SLC24A1: variants seen among roughly 807,000 people sequenced by gnomAD.
The protein encoded by SLC24A1 is solute carrier family 24 member 1.
In SLC24A1, 52 loss-of-function variants were observed where a neutral mutation model predicts 88.1. The ratio of observed to expected loss-of-function variants is 0.59; its 90% CI spans 0.47 to 0.74. The LOEUF (loss-of-function observed/expected upper bound fraction) is 0.74. Among genes scored for constraint, SLC24A1 ranks in the 30% least tolerant of loss-of-function variants. The probability of loss-of-function intolerance (pLI) is 0.00; values close to 1 mark genes in which losing one functional copy is unlikely to be tolerated. For synonymous variants in SLC24A1, 455 were observed against 498.0 expected (o/e 0.91, Z 1.15); for missense variants, 1,173 against 1,363.3 (o/e 0.86, Z 2.20).
chr15:65,645,548 C>A, intron 5 of SLC24A1, 64 bp from the exon 6 acceptor site: 2 of 1,275,424 alleles, frequency 1.6e-6, no homozygotes, highest in South Asian at 1.3e-5. Flanking sequence ...ATGCCAGTGT[C>A]TCTGCCAGCT....
chr15:65,646,245 A>C (rs1166904022), intron 6 of SLC24A1, among the ~76,000 whole-genome samples: 3 of 151,292 alleles, frequency 2.0e-5, no homozygotes, highest in African/African-American at 7.3e-5. Context: ...TTTTATTTTT[A>C]TTTTTGTATT....
Position 65,625,705 on chromosome 15 carries a change from C to G in SLC24A1, c.1625C>G (p.Thr542Ser), listed in dbSNP as rs779095435. The G allele has an allele frequency of 5.6e-6, 9 of 1,613,942 alleles. No individual in the cohort carries two copies. The highest frequency in any genetic ancestry group is 1.3e-5 in the African/African-American group (1 of 74,930). ...AVFNILFVIG[T>S]CSLFSREILN... The stretch of plus-strand genomic sequence containing the variant: ...TTCAACATTCTCTTTGTCATTGGCA[C>G]TTGTTCCCTCTTCTCCCGAGAGATC... The change falls in exon 2 of 10, where the codon ACT becomes AGT. Residue 542 changes from threonine (T) to serine (S), a missense_variant. Physicochemically the swap from Thr to Ser is moderately conservative, Grantham distance 58. Coordinates refer to ENST00000261892, the MANE Select transcript of SLC24A1 (RefSeq NM_004727.3).
chr15:65,629,805 G>A (rs1267860861), intron 2 of SLC24A1, among the ~76,000 whole-genome samples: 1 of 152,194 alleles, frequency 6.6e-6, no homozygotes. Context: ...AGACAGTCCT[G>A]TGGAAAGCCA....
In SLC24A1 at chr15:65,656,191, G is replaced by A. The variant is rs773344099; in HGVS notation, c.*2112G>A. ...AGACTGGAGTAAGGAGTGATGGACCGTAAAATGCTGTGTAATGATAAAAGG... is the reference window on the plus strand; with the variant it reads ...AGACTGGAGTAAGGAGTGATGGACCATAAAATGCTGTGTAATGATAAAAGG... On this transcript the variant is annotated 3_prime_UTR_variant, in exon 10 of 10. Transcript: ENST00000261892. The A allele has an allele frequency of 4.3e-5, 42 of 984,430 alleles. No homozygotes were observed. The highest frequency in any genetic ancestry group is 4.9e-5 in the Non-Finnish European group (41 of 829,140). 61.0% of individuals were successfully genotyped at this position (984,430 alleles called of 1,614,324 possible).
Position 65,625,942 on chromosome 15 carries a change from A to C in SLC24A1, c.1862A>C (p.Lys621Thr), listed in dbSNP as rs563141376. The change falls in exon 2 of 10, where the codon AAG becomes ACG. Residue 621 changes from lysine (K) to threonine (T), a missense_variant. Lys to Thr is a moderately conservative substitution (Grantham distance 78). Transcript: ENST00000261892. Reference protein sequence around the residue: ...KEQLSRRPVAKVMALEDLSKP... With the variant: ...KEQLSRRPVATVMALEDLSKP... ...CAGCTCAGCAGGAGGCCAGTGGCCA[A>C]GGTCATGGCCTTAGAAGACCTCAGC... 5 of 1,613,658 alleles carry C rather than the reference A, an allele frequency of 3.1e-6. No homozygotes were observed. The South Asian group carries it at 5.5e-5, about 18-fold the overall frequency.
chr15:65,657,597 T>G (rs1282689847), downstream of SLC24A1, among the ~76,000 whole-genome samples: 1 of 152,130 alleles, frequency 6.6e-6, no homozygotes, highest in Non-Finnish European at 1.5e-5. Flanking sequence ...TGAGCCGAGA[T>G]CGTGCCACTG....
At chr15:65,637,694 G>C (rs2074987625) in intron 2 of SLC24A1, among the ~76,000 whole-genome samples, 1 of 152,162 alleles carries the variant, frequency 6.6e-6, no homozygotes, top group Admixed American at 6.5e-5. Flanking sequence ...CAAATAAATT[G>C]GGGAAAGTGC....
chr15:65,637,008 T>A (rs2074962843), intron 2 of SLC24A1, among the ~76,000 whole-genome samples: 4 of 151,698 alleles, frequency 2.6e-5, no homozygotes. Context: ...GGGAAACAGA[T>A]AACTGTAAGT....
At chr15:65,628,007 C>T (rs1335184074) in intron 2 of SLC24A1, among the ~76,000 whole-genome samples, 7 of 152,134 alleles carry the variant, frequency 4.6e-5, no homozygotes, top group Admixed American at 3.9e-4. Context: ...GTTGCCCAGG[C>T]TGGAGTGCAC....
rs1374863044 is a variant in SLC24A1, at chr15:65,650,299, C to T, written c.2233-83C>T. 1.2e-5 allele frequency: 14 copies of T among 1,179,826 alleles called. No individual in the cohort carries two copies. The highest frequency in any genetic ancestry group is 4.6e-5 in the South Asian group (3 of 64,952). The allele number at this position is 1,179,826 out of a possible 1,614,324, so 73.1% of individuals were successfully genotyped here. A position where few individuals can be genotyped will look rare whatever the true frequency, so the allele number is the denominator to read the frequency against. ...GTTTTCAGATACCTTCTGAGAAGCA[C>T]GCCAACAAAAAAATGGGGGAGTAAC... On this transcript the variant is annotated intron_variant, in intron 6 of 9. Coordinates refer to ENST00000261892, the MANE Select transcript of SLC24A1 (RefSeq NM_004727.3). The surrounding 1 kb of genome is among the most constrained non-coding windows in gnomAD (Gnocchi z 4.1).
intron 2 of SLC24A1, among the ~76,000 whole-genome samples, chr15:65,636,409 C>G (rs1246079433): frequency 2.0e-5 from 3 of 152,112 alleles, no homozygotes; most frequent in African/African-American, 7.2e-5. Flanking sequence ...TGGTGAAATC[C>G]CATCTCTACA....
downstream of SLC24A1, among the ~76,000 whole-genome samples, chr15:65,657,500 G>A (rs1329953749): frequency 6.6e-6 from 1 of 152,104 alleles, no homozygotes; most frequent in Non-Finnish European, 1.5e-5. Context: ...AAAATTAGCC[G>A]GGCGAGGTGG....
At chr15:65,612,091 T>G (rs1596285082) in intron 1 of SLC24A1, 1 of 152,308 alleles carries the variant, frequency 6.6e-6, no homozygotes, top group Non-Finnish European at 1.5e-5. Flanking sequence ...CAACATGGGC[T>G]CTTGCCTGCC....
chr15:65,648,720 T>C lies in SLC24A1; in HGVS notation c.2233-1662T>C, dbSNP rs1256117324. ...TTTCACCACTTTAGTCAGGCTGGTC[T>C]CAAACTCCTGACCTCATGATCCGCC... On this transcript the variant is annotated intron_variant, in intron 6 of 9. Coordinates refer to ENST00000261892, the MANE Select transcript of SLC24A1 (RefSeq NM_004727.3). 2.6e-5 allele frequency among the ~76,000 whole-genome samples: 4 copies of C among 152,076 alleles called. No homozygotes were observed. The East Asian group carries it at 5.8e-4, about 22-fold the overall frequency.
chr15:65,626,923 C>T (rs1470303682), intron 2 of SLC24A1, among the ~76,000 whole-genome samples: 3 of 152,090 alleles, frequency 2.0e-5, no homozygotes, highest in Non-Finnish European at 4.4e-5. Context: ...TCTCCTGCTC[C>T]TAAAGGGTGA....
In SLC24A1 at chr15:65,650,812, A is replaced by G. The variant is rs750463604; in HGVS notation, c.2663A>G (p.Glu888Gly). ...GAAGAGGAGGAGGAGGAGGAGGAAG[A>G]GGAGGAGAAGGGAAATGAAGAGCCT... ...QEEEEEEEEEEEEKGNEEPLS... is the reference protein window; with the variant it reads ...QEEEEEEEEEGEEKGNEEPLS... The change falls in exon 7 of 10, where the codon GAG becomes GGG. Residue 888 changes from glutamate to glycine, a missense_variant. Glu to Gly is a moderately conservative substitution (Grantham distance 98). Coordinates refer to ENST00000261892, the MANE Select transcript of SLC24A1 (RefSeq NM_004727.3). The surrounding 1 kb of genome is among the most constrained non-coding windows in gnomAD (Gnocchi z 4.1). 5.0e-6 allele frequency: 8 copies of G among 1,613,672 alleles called. No homozygotes were observed. Among genetic ancestry groups the G allele is most frequent in the Non-Finnish European group, 6.8e-6 (8 of 1,179,778 alleles).
intron 2 of SLC24A1, among the ~76,000 whole-genome samples, chr15:65,614,735 G>A (rs2141379122): frequency 6.6e-6 from 1 of 152,284 alleles, no homozygotes; most frequent in East Asian, 1.9e-4. Flanking sequence ...AAAATAGGGT[G>A]AGCTTTATCC....
At chr15:65,613,412 G>C (rs1566940196) in intron 2 of SLC24A1, among the ~76,000 whole-genome samples, 1 of 152,104 alleles carries the variant, frequency 6.6e-6, no homozygotes, top group Non-Finnish European at 1.5e-5. Context: ...ACCTTGCCAA[G>C]TGAAATGGAA....
intron 4 of SLC24A1, among the ~76,000 whole-genome samples, chr15:65,641,381 CAAA>C (rs1566958926): frequency 6.7e-5 from 10 of 149,864 alleles, no homozygotes; most frequent in African/African-American, 2.5e-4. Context: ...AACAAACAAA[CAAA>C]TAAATAAATA....
Sources: allele counts gnomAD v4.1 joint callset (sites outside exome capture counted in the v4.1 genomes callset), GRCh38; gene constraint gnomAD v4.1.1; non-coding constraint Gnocchi (gnomAD v3.1); transcripts MANE v1.5; gene names NCBI Gene and HGNC (gene_info 2026-07-23, HGNC 2026-07-21).